Variants in LYPLAL1 observed in about 807,000 individuals in gnomAD.
The protein encoded by LYPLAL1 is lysophospholipase-like protein 1.
A neutral mutation model predicts 19.7 loss-of-function variants in LYPLAL1; 23 were observed. The ratio of observed to expected loss-of-function variants is 1.17; its 90% CI spans 0.84 to 1.65. The LOEUF (loss-of-function observed/expected upper bound fraction) is 1.65. Among genes scored for constraint, LYPLAL1 ranks in the 40% most tolerant of loss-of-function variants. The pLI, the probability that LYPLAL1 is intolerant of heterozygous loss-of-function variation, is 0.00. For synonymous variants in LYPLAL1, 119 were observed against 96.3 expected (o/e 1.24, Z -1.38); for missense variants, 355 against 279.4 (o/e 1.27, Z -1.93).
the LYPLAL1 span, among the ~76,000 whole-genome samples, chr1:219,342,036 C>A: frequency 6.6e-6 from 1 of 152,102 alleles, no homozygotes; most frequent in Non-Finnish European, 1.5e-5. Flanking sequence ...TATTTCAATG[C>A]ACTTTTTTTG....
At chr1:219,431,267 T>G in the LYPLAL1 span, among the ~76,000 whole-genome samples, 20 of 152,052 alleles carry the variant, frequency 1.3e-4, no homozygotes, top group African/African-American at 4.8e-4. Flanking sequence ...TCTACATGTT[T>G]TCAGAGGATA....
the LYPLAL1 span, among the ~76,000 whole-genome samples, chr1:219,408,056 A>G: frequency 6.6e-6 from 1 of 152,150 alleles, no homozygotes; most frequent in Non-Finnish European, 1.5e-5. Flanking sequence ...ATTGGAGGGG[A>G]ACACAAACAT....
At chr1:219,349,115 A>G in the LYPLAL1 span, among the ~76,000 whole-genome samples, 1 of 152,202 alleles carries the variant, frequency 6.6e-6, no homozygotes, top group African/African-American at 2.4e-5. Context: ...AAAGGTGAAA[A>G]CAGGTCTGCT....
chr1:219,306,849 T>TAGATAGATAGATAGACAGACAGAC, the LYPLAL1 span, among the ~76,000 whole-genome samples: 1,460 of 135,326 alleles, frequency 0.011, 13 homozygotes, highest in Non-Finnish European at 0.015. Flanking sequence ...GATAGATAGA[T>TAGATAGATAGATAGACAGACAGAC]AGACAGACAG....
chr1:219,224,657 A>G, the LYPLAL1 span, among the ~76,000 whole-genome samples: 6 of 152,198 alleles, frequency 3.9e-5, no homozygotes, highest in African/African-American at 1.4e-4. Flanking sequence ...AATTCATATA[A>G]CATTCAAATG....
chr1:219,204,866 T>C (rs926549062), intron 3 of LYPLAL1, among the ~76,000 whole-genome samples: 3 of 152,108 alleles, frequency 2.0e-5, no homozygotes, highest in African/African-American at 7.2e-5. Context: ...TAGGCTTAAC[T>C]TAGATCTAGG....
chr1:219,327,358 A>G, the LYPLAL1 span, among the ~76,000 whole-genome samples: 1 of 152,162 alleles, frequency 6.6e-6, no homozygotes, highest in Admixed American at 6.5e-5. Context: ...CAAGGCTGAG[A>G]GTGAGTTGAA....
At chr1:219,321,059 C>G in the LYPLAL1 span, among the ~76,000 whole-genome samples, 3 of 152,246 alleles carry the variant, frequency 2.0e-5, no homozygotes, top group East Asian at 5.8e-4. Flanking sequence ...TCCCACCAAC[C>G]GTGTAAAAGC....
chr1:219,319,655 G>C, the LYPLAL1 span, among the ~76,000 whole-genome samples: 1 of 152,186 alleles, frequency 6.6e-6, no homozygotes. Context: ...CAGCATCACA[G>C]AGCAGAGCAC....
the LYPLAL1 span, among the ~76,000 whole-genome samples, chr1:219,332,822 G>GC: frequency 0.04 from 5,011 of 125,442 alleles, 155 homozygotes; most frequent in Admixed American, 0.078. Context: ...CTGATTTTCT[G>GC]CCCCCCCCCC....
the LYPLAL1 span, among the ~76,000 whole-genome samples, chr1:219,346,335 A>G: frequency 6.6e-6 from 1 of 152,158 alleles, no homozygotes; most frequent in Non-Finnish European, 1.5e-5. Context: ...GGAATTAGGG[A>G]CAAGTAAGGA....
the LYPLAL1 span, among the ~76,000 whole-genome samples, chr1:219,417,437 T>A: frequency 1.3e-5 from 2 of 152,186 alleles, no homozygotes; most frequent in African/African-American, 4.8e-5. Flanking sequence ...GTAGCAAAGA[T>A]CATTTAAAAT....
the LYPLAL1 span, among the ~76,000 whole-genome samples, chr1:219,430,058 C>T: frequency 6.6e-6 from 1 of 152,106 alleles, no homozygotes; most frequent in African/African-American, 2.4e-5. Flanking sequence ...CTTCGGGAGG[C>T]CCAGGCAGGC....
the LYPLAL1 span, among the ~76,000 whole-genome samples, chr1:219,274,730 A>G: frequency 6.6e-6 from 1 of 152,156 alleles, no homozygotes; most frequent in Non-Finnish European, 1.5e-5. Flanking sequence ...AGCATATTTC[A>G]GGAAGTAGGT....
chr1:219,427,260 A>G, the LYPLAL1 span, among the ~76,000 whole-genome samples: 1 of 152,214 alleles, frequency 6.6e-6, no homozygotes, highest in Non-Finnish European at 1.5e-5. Flanking sequence ...AATGAAAAAG[A>G]CTTTCTTACC....
At chr1:219,277,033 A>T in the LYPLAL1 span, among the ~76,000 whole-genome samples, 2 of 152,188 alleles carry the variant, frequency 1.3e-5, no homozygotes, top group African/African-American at 4.8e-5. Flanking sequence ...ATAACCAAAG[A>T]GGCAAACTGC....
chr1:219,196,198 G>A (rs2125074198), intron 3 of LYPLAL1, among the ~76,000 whole-genome samples: 1 of 152,214 alleles, frequency 6.6e-6, no homozygotes, highest in South Asian at 2.1e-4. Context: ...ACCCAGTAAT[G>A]AAATTGCTGG....
the LYPLAL1 span, among the ~76,000 whole-genome samples, chr1:219,425,245 C>G: frequency 5.3e-5 from 8 of 152,108 alleles, no homozygotes; most frequent in African/African-American, 1.7e-4. Flanking sequence ...AAGGCTCTAC[C>G]TCTAATAACA....
At chr1:219,328,769 T>C in the LYPLAL1 span, among the ~76,000 whole-genome samples, 4 of 152,320 alleles carry the variant, frequency 2.6e-5, no homozygotes, top group Non-Finnish European at 5.9e-5. Context: ...CTACTAGTGC[T>C]AATGTCATCA....
Sources: gnomAD v4.1 joint callset for allele counts (sites outside exome capture counted in the v4.1 genomes callset) on GRCh38, gnomAD v4.1.1 for gene constraint, MANE v1.5 for transcripts, NCBI Gene and HGNC (gene_info 2026-07-23, HGNC 2026-07-21) for gene names.